The following TBC1D19 variants were observed in gnomAD, a reference collection of about 807,000 sequenced individuals.
TBC1D19 encodes the protein TBC1 domain family, member 19.
In TBC1D19, 60 loss-of-function variants were observed where a neutral mutation model predicts 89.0. The ratio of observed to expected loss-of-function variants is 0.67; its 90% CI spans 0.55 to 0.84. TBC1D19 has a LOEUF of 0.84. TBC1D19 is among the 40% of genes least tolerant of loss of function. The pLI, the probability that TBC1D19 is intolerant of heterozygous loss-of-function variation, is 0.00. For synonymous variants in TBC1D19, 189 were observed against 199.7 expected (o/e 0.95, Z 0.45); for missense variants, 500 against 610.8 (o/e 0.82, Z 1.91).
chr4:26,758,828 G>A (rs1335341244), downstream of TBC1D19, among the ~76,000 whole-genome samples: 1 of 152,130 alleles, frequency 6.6e-6, no homozygotes, highest in Non-Finnish European at 1.5e-5. Flanking sequence ...ACAATAATAA[G>A]GGGTATCATT....
intron 13 of TBC1D19, among the ~76,000 whole-genome samples, chr4:26,708,110 A>G (rs74771977): frequency 0.016 from 2,368 of 152,154 alleles, 54 homozygotes; most frequent in African/African-American, 0.052. Flanking sequence ...GAGTCTAGTT[A>G]CTGTCTTGTA....
At chr4:26,652,382 C>A (rs1277761044) in intron 7 of TBC1D19, among the ~76,000 whole-genome samples, 1 of 152,136 alleles carries the variant, frequency 6.6e-6, no homozygotes, top group Admixed American at 6.6e-5. Context: ...ATTATTGCCT[C>A]AATTTCAGAG....
chr4:26,636,433 T>C (rs1418446838), intron 4 of TBC1D19, among the ~76,000 whole-genome samples: 3 of 150,142 alleles, frequency 2.0e-5, no homozygotes, highest in African/African-American at 7.3e-5. Context: ...CAAATCTAGA[T>C]TGTGACACAT....
upstream of TBC1D19, chr4:26,583,872 T>C (rs953420452): frequency 1.5e-5 from 5 of 336,596 alleles, no homozygotes; most frequent in Non-Finnish European, 2.3e-5. Flanking sequence ...GTCCCCCTTG[T>C]GCATCAGAGG....
intron 4 of TBC1D19, among the ~76,000 whole-genome samples, chr4:26,621,722 G>T (rs1240947866): frequency 6.6e-6 from 1 of 151,972 alleles, no homozygotes; most frequent in Non-Finnish European, 1.5e-5. Flanking sequence ...TCTCTAGGTG[G>T]TATCTTTTAG....
At chr4:26,792,994 T>G in the TBC1D19 span, among the ~76,000 whole-genome samples, 1 of 152,236 alleles carries the variant, frequency 6.6e-6, no homozygotes, top group African/African-American at 2.4e-5. Flanking sequence ...AGTCAAAAGT[T>G]CAAACTGCAT....
At chr4:26,817,161 G>A in the TBC1D19 span, among the ~76,000 whole-genome samples, 5 of 152,130 alleles carry the variant, frequency 3.3e-5, no homozygotes, top group Non-Finnish European at 5.9e-5. Context: ...TATGCATATA[G>A]TTTTGCACAT....
intron 3 of TBC1D19, among the ~76,000 whole-genome samples, chr4:26,617,209 T>C (rs1243233992): frequency 6.6e-6 from 1 of 152,176 alleles, no homozygotes; most frequent in African/African-American, 2.4e-5. Flanking sequence ...AAGAGGGGGT[T>C]TAACCCACCC....
At chr4:26,809,893 A>G in the TBC1D19 span, among the ~76,000 whole-genome samples, 11 of 152,246 alleles carry the variant, frequency 7.2e-5, no homozygotes, top group South Asian at 1.7e-3. Flanking sequence ...ATGTTTTTCC[A>G]CATTATTCCA....
At chr4:26,638,966 T>A in intron 6 of TBC1D19, 132 bp downstream of exon 6, 1 of 754,836 alleles carries the variant, frequency 1.3e-6, no homozygotes, top group Non-Finnish European at 2.1e-6. Context: ...TTCTATCATC[T>A]GGAAAACCAG....
intron 1 of TBC1D19, among the ~76,000 whole-genome samples, chr4:26,585,562 CA>C (rs1200044861): frequency 1.3e-5 from 2 of 151,772 alleles, no homozygotes; most frequent in Non-Finnish European, 2.9e-5. Context: ...GTGCGTCTTG[CA>C]AATATTTTCT....
chr4:26,759,552 C>T (rs954703979), downstream of TBC1D19, among the ~76,000 whole-genome samples: 2 of 152,076 alleles, frequency 1.3e-5, no homozygotes, highest in African/African-American at 4.8e-5. Context: ...ACCCATGTCA[C>T]CACCACCACA....
At chr4:26,741,908 A>G (rs1432890246) in intron 17 of TBC1D19, among the ~76,000 whole-genome samples, 1 of 152,216 alleles carries the variant, frequency 6.6e-6, no homozygotes, top group East Asian at 1.9e-4. Flanking sequence ...AGTAGATTTT[A>G]GTTTTAAAAA....
Position 26,620,627 on chromosome 4 carries a change from G to C in TBC1D19, c.233G>C (p.Ser78Thr). 1 of 1,613,684 alleles carries C rather than the reference G, an allele frequency of 6.2e-7. No individual in the cohort carries two copies. Among genetic ancestry groups the C allele is most frequent in the Non-Finnish European group, 8.5e-7 (1 of 1,179,816 alleles). ...TTTGCTCCTAGGTTTCCTTTACCTA[G>C]TCATCCTGCTGCACCTCCTGAACAT... ...YSELSVFPLP[S>T]HPAAPPEHLK... is the part of the protein sequence containing the mutation. The change falls in exon 4 of 21, where the codon AGT becomes ACT. Residue 78 changes from serine to threonine, a missense_variant. Around this residue, in one of 2 missense-constraint regions of TBC1D19, gnomAD observed 280 missense variants for 291.7 expected, o/e 0.96. Coordinates refer to ENST00000264866, the MANE Select transcript of TBC1D19 (RefSeq NM_018317.4).
At chr4:26,847,592 T>A in the TBC1D19 span, among the ~76,000 whole-genome samples, 124,434 of 152,152 alleles carry the variant, frequency 0.82, 51,181 homozygotes, top group Middle Eastern at 0.97. Context: ...CAGAAAGGTA[T>A]CTGGGGCCAG....
chr4:26,664,482 T>C (rs545938809), intron 8 of TBC1D19, among the ~76,000 whole-genome samples: 1 of 152,238 alleles, frequency 6.6e-6, no homozygotes, highest in Non-Finnish European at 1.5e-5. Context: ...AGTATGAAGA[T>C]TAAGGTTATT....
At chr4:26,599,754 T>TG (rs1199090049) in intron 1 of TBC1D19, among the ~76,000 whole-genome samples, 1 of 151,996 alleles carries the variant, frequency 6.6e-6, no homozygotes, top group Non-Finnish European at 1.5e-5. Context: ...GAGACCAGCC[T>TG]GGGCAACACA....
intron 7 of TBC1D19, among the ~76,000 whole-genome samples, chr4:26,642,497 G>A (rs570526186): frequency 3.3e-4 from 50 of 152,200 alleles, no homozygotes; most frequent in Middle Eastern, 3.4e-3. Flanking sequence ...AAAGACCATC[G>A]ATGCTAAGAA....
At chr4:26,684,184 T>A (rs1181137972) in intron 12 of TBC1D19, among the ~76,000 whole-genome samples, 1 of 152,206 alleles carries the variant, frequency 6.6e-6, no homozygotes, top group Non-Finnish European at 1.5e-5. Context: ...GCTAAGTATA[T>A]CTCAGGTTTT....
Sources: gnomAD v4.1 joint callset for allele counts (sites outside exome capture counted in the v4.1 genomes callset) on GRCh38, gnomAD v4.1.1 for gene constraint, gnomAD v4.1.1 regional missense constraint, MANE v1.5 for transcripts, NCBI Gene and HGNC (gene_info 2026-07-23, HGNC 2026-07-21) for gene names.